CENPU: variants seen among roughly 807,000 people sequenced by gnomAD.
CENPU encodes the protein KSHV latent nuclear antigen interacting protein 1.
CENPU carries 46 observed loss-of-function variants against 56.7 expected under a neutral mutation model. The ratio of observed to expected loss-of-function variants is 0.81; its 90% CI spans 0.64 to 1.04. CENPU has a LOEUF of 1.04. Among genes scored for constraint, CENPU ranks in the 50% least tolerant of loss-of-function variants. The pLI, the probability that CENPU is intolerant of heterozygous loss-of-function variation, is 0.00. For synonymous variants in CENPU, 166 were observed against 163.0 expected (o/e 1.02, Z -0.14); for missense variants, 510 against 490.1 (o/e 1.04, Z -0.38).
chr4:184,696,075 C>T (rs1276538772), intron 12 of CENPU, among the ~76,000 whole-genome samples: 2 of 152,146 alleles, frequency 1.3e-5, no homozygotes, highest in Non-Finnish European at 2.9e-5. Context: ...GATTAAATTC[C>T]TCTTACAGAA....
chr4:184,718,805 A>G (rs1761179841), intron 4 of CENPU, among the ~76,000 whole-genome samples: 1 of 152,168 alleles, frequency 6.6e-6, no homozygotes, highest in African/African-American at 2.4e-5. Context: ...TAACCTAGAG[A>G]ACACCAAAGA....
intron 8 of CENPU, among the ~76,000 whole-genome samples, chr4:184,703,422 G>C (rs1444990074): frequency 6.6e-6 from 1 of 152,092 alleles, no homozygotes; most frequent in Non-Finnish European, 1.5e-5. Flanking sequence ...GAAGAGATCT[G>C]GTGGCCAGGC....
chr4:184,715,374 C>T (rs1308841318), intron 6 of CENPU, among the ~76,000 whole-genome samples: 2 of 151,230 alleles, frequency 1.3e-5, no homozygotes, highest in African/African-American at 4.9e-5. Context: ...TACAGTGGCA[C>T]GGTCTCAGCT....
chr4:184,698,736 AG>A (rs1421404792), intron 11 of CENPU, among the ~76,000 whole-genome samples: 1 of 152,188 alleles, frequency 6.6e-6, no homozygotes, highest in African/African-American at 2.4e-5. Flanking sequence ...GGCGTGAGCC[AG>A]GAAAAGTCTT....
chr4:184,711,560 C>T (rs974709957), intron 7 of CENPU, among the ~76,000 whole-genome samples: 6 of 152,290 alleles, frequency 3.9e-5, no homozygotes, highest in East Asian at 1.9e-4. Flanking sequence ...CTCTCCCCTG[C>T]TCCCCACTAG....
intron 3 of CENPU, among the ~76,000 whole-genome samples, chr4:184,727,116 C>CAAAAAAAAA (rs59124760): frequency 2.0e-3 from 172 of 86,596 alleles, no homozygotes; most frequent in African/African-American, 6.6e-3. Flanking sequence ...ACTTCGTCTC[C>CAAAAAAAAA]AAAAAAAAAA....
intron 4 of CENPU, among the ~76,000 whole-genome samples, chr4:184,723,782 A>G (rs111623674): frequency 0.19 from 26,130 of 136,822 alleles, 2,601 homozygotes; most frequent in African/African-American, 0.28. Context: ...GGCGGAGGTT[A>G]CAGTGAGCCA....
intron 1 of CENPU, among the ~76,000 whole-genome samples, chr4:184,731,883 C>CTGTGTGTGTGTGTGTG (rs59083873): frequency 0.2 from 29,757 of 146,486 alleles, 3,277 homozygotes; most frequent in Non-Finnish European, 0.23. Flanking sequence ...CTCATGTGCT[C>CTGTGTGTGTGTGTGTG]TGTGTGTGTG....
intron 3 of CENPU, among the ~76,000 whole-genome samples, chr4:184,727,403 A>C (rs2150229982): frequency 6.6e-6 from 1 of 152,336 alleles, no homozygotes; most frequent in Middle Eastern, 3.4e-3. Flanking sequence ...CTACAGAGTT[A>C]ATACACTTAA....
rs1416926542 is a variant in CENPU at position 184,702,381 on chromosome 4, TTTAACA to T, written c.852_857del (p.Asn284_Val285del). On this transcript the variant is annotated inframe_deletion, in exon 9 of 13. Coordinates refer to ENST00000281453, the MANE Select transcript of CENPU (RefSeq NM_024629.4). ...AGCTTACCATTTTGATGAATTGTTC[TTTAACA>T]TTAACATAAAATGTGGCGATGGCTG... The T allele has an allele frequency of 1.9e-6, 3 of 1,612,330 alleles. No homozygotes were observed. The highest frequency in any genetic ancestry group is 2.5e-6 in the Non-Finnish European group (3 of 1,179,488).
chr4:184,703,775 T>C (rs1013059871), intron 8 of CENPU, among the ~76,000 whole-genome samples: 3 of 152,232 alleles, frequency 2.0e-5, no homozygotes, highest in Non-Finnish European at 2.9e-5. Context: ...TGTCCATTGA[T>C]AGATGAATGG....
intron 11 of CENPU, 45 bp downstream of exon 11, chr4:184,700,775 C>T: frequency 6.6e-7 from 1 of 1,514,922 alleles, no homozygotes; most frequent in Non-Finnish European, 9.2e-7. Flanking sequence ...ACCATCATTA[C>T]ATCCTTTTAG....
chr4:184,703,081 A>G (rs935285073), intron 8 of CENPU, among the ~76,000 whole-genome samples: 3 of 152,220 alleles, frequency 2.0e-5, no homozygotes, highest in Non-Finnish European at 4.4e-5. Context: ...AGCCTGAAAA[A>G]AACACCGGAA....
intron 1 of CENPU, chr4:184,733,492 CG>C: frequency 2.3e-6 from 2 of 869,192 alleles, no homozygotes. Context: ...ACCAAACGCT[CG>C]CTTTCTTTGG....
chr4:184,733,985 C>T lies in CENPU; in HGVS notation c.47+31G>A, dbSNP rs57266659. On this transcript the variant is annotated intron_variant, in intron 1 of 12. Coordinates refer to ENST00000281453, the MANE Select transcript of CENPU (RefSeq NM_024629.4). ...GGAAGCAGTTCAAGCTGGTCTCCGG[C>T]CCCGCGCTCCCGAGGGTCGGCAGTA... is the stretch of plus-strand genomic sequence containing the variant. The T allele has an allele frequency of 1.9e-6, 3 of 1,610,748 alleles. No individual in the cohort carries two copies. The East Asian group carries it at 6.7e-5, about 36-fold the overall frequency.
At chr4:184,719,260 G>C (rs1761194022) in intron 4 of CENPU, among the ~76,000 whole-genome samples, 1 of 152,226 alleles carries the variant, frequency 6.6e-6, no homozygotes, top group African/African-American at 2.4e-5. Flanking sequence ...GAAGAGGGTA[G>C]GAAAGAGTCT....
intron 7 of CENPU, 71 bp downstream of exon 7, chr4:184,712,873 T>G: frequency 1.9e-6 from 2 of 1,066,870 alleles, no homozygotes; most frequent in Non-Finnish European, 2.8e-6. Context: ...CTATAACAAA[T>G]TAAGAATAGG....
At position 184,694,999 on chromosome 4, in the gene CENPU, A is replaced by G; in HGVS notation, c.*289T>C. ...AATTAATCAAAATTATGTTCACATCAACTTAATTTTACAAGTTTATTATAG... is the reference window on the plus strand; with the variant it reads ...AATTAATCAAAATTATGTTCACATCGACTTAATTTTACAAGTTTATTATAG... On this transcript the variant is annotated 3_prime_UTR_variant, in exon 13 of 13. Coordinates refer to ENST00000281453, the MANE Select transcript of CENPU (RefSeq NM_024629.4). 1 of 548,732 alleles carries G rather than the reference A, an allele frequency of 1.8e-6. No homozygotes were observed. Among genetic ancestry groups the G allele is most frequent in the Non-Finnish European group, 3.2e-6 (1 of 311,162 alleles). 34.0% of individuals were successfully genotyped at this position (548,732 alleles called of 1,614,324 possible).
At chr4:184,704,087 T>G (rs1285510808) in intron 8 of CENPU, among the ~76,000 whole-genome samples, 1 of 97,766 alleles carries the variant, frequency 1.0e-5, no homozygotes. Flanking sequence ...ATACTTCATC[T>G]TTTTTTTTTT....
Sources: gnomAD v4.1 joint callset for allele counts (sites outside exome capture counted in the v4.1 genomes callset) on GRCh38, gnomAD v4.1.1 for gene constraint, MANE v1.5 for transcripts, NCBI Gene and HGNC (gene_info 2026-07-23, HGNC 2026-07-21) for gene names.